CMYA5: variants seen among roughly 807,000 people sequenced by gnomAD.
CMYA5 encodes cardiomyopathy associated 5.
In CMYA5, 246 loss-of-function variants were observed where a neutral mutation model predicts 318.9. The ratio of observed to expected loss-of-function variants is 0.77; its 90% CI spans 0.70 to 0.86. The LOEUF is 0.86. CMYA5 is among the 40% of genes least tolerant of loss of function. CMYA5 has a pLI of 0.00. For synonymous variants in CMYA5, 1,641 were observed against 1,729.5 expected (o/e 0.95, Z 1.27); for missense variants, 4,589 against 4,678.2 (o/e 0.98, Z 0.56).
At chr5:79,798,291 C>T (rs756304400) in intron 12 of CMYA5, among the ~76,000 whole-genome samples, 2 of 152,136 alleles carry the variant, frequency 1.3e-5, no homozygotes, top group South Asian at 2.1e-4. Flanking sequence ...TAGGTCCAAA[C>T]TGCCCTGGTG....
intron 7 of CMYA5, 64 bp from the exon 8 acceptor site, chr5:79,761,747 C>A: frequency 1.3e-6 from 2 of 1,498,986 alleles, no homozygotes; most frequent in East Asian, 2.3e-5. Flanking sequence ...TGACTTTCTC[C>A]AGTAACTATA....
At chr5:79,758,947 A>C in intron 7 of CMYA5, 45 bp downstream of exon 7, 1 of 1,452,726 alleles carries the variant, frequency 6.9e-7, no homozygotes, top group Non-Finnish European at 9.3e-7. Flanking sequence ...ATATTCATGC[A>C]TCTTCATGTG....
chr5:79,758,750 C>G lies in CMYA5; in HGVS notation c.11111-3C>G. 6.3e-7 allele frequency: 1 copy of G among 1,581,726 alleles called. No homozygotes were observed. On this transcript the variant is annotated splice_polypyrimidine_tract_variant and splice_region_variant and intron_variant, in intron 6 of 12. Transcript: ENST00000446378. The stretch of plus-strand genomic sequence containing the variant: ...GTTACAATAAAACTTGTTTATATTC[C>G]AGTTCCACAGCCTCCTAGATTAGAA...
intron 1 of CMYA5, among the ~76,000 whole-genome samples, chr5:79,692,358 C>T (rs551319837): frequency 3.3e-5 from 5 of 152,274 alleles, no homozygotes; most frequent in Middle Eastern, 3.4e-3. Context: ...AATCTGTAAA[C>T]GTTCCTTTAC....
At chr5:79,692,669 A>G (rs1305178529) in intron 1 of CMYA5, among the ~76,000 whole-genome samples, 1 of 152,210 alleles carries the variant, frequency 6.6e-6, no homozygotes, top group African/African-American at 2.4e-5. Flanking sequence ...GGTTGTCATA[A>G]GGATTGCATA....
intron 1 of CMYA5, among the ~76,000 whole-genome samples, chr5:79,703,010 G>A (rs767579906): frequency 6.6e-6 from 1 of 152,198 alleles, no homozygotes; most frequent in Non-Finnish European, 1.5e-5. Context: ...ATCTGGTGCT[G>A]TCAGCTCTGT....
Position 79,737,828 on chromosome 5 carries a change from A to C in CMYA5, c.9063A>C (p.Gln3021His), listed in dbSNP as rs767189444. 1 of 1,605,184 alleles carries C rather than the reference A, an allele frequency of 6.2e-7. No homozygotes were observed. ...TTACCCCATTGAAAGAAAATAAACA[A>C]AAGGAAACTCATAAGACAAAAGAAG... ...EKVTPLKENK[Q>H]KETHKTKEEI... The change falls in exon 2 of 13, where the codon CAA becomes CAC. Residue 3021 changes from glutamine (Q) to histidine (H), a missense_variant. Coordinates refer to ENST00000446378, the MANE Select transcript of CMYA5 (RefSeq NM_153610.5).
At chr5:79,786,100 G>C (rs2151099538) in intron 9 of CMYA5, among the ~76,000 whole-genome samples, 1 of 152,314 alleles carries the variant, frequency 6.6e-6, no homozygotes, top group Non-Finnish European at 1.5e-5. Flanking sequence ...CTGCTTTGTA[G>C]CAGTGGAGCT....
At chr5:79,744,979 T>C (rs1296234217) in intron 3 of CMYA5, among the ~76,000 whole-genome samples, 1 of 152,190 alleles carries the variant, frequency 6.6e-6, no homozygotes, top group African/African-American at 2.4e-5. Flanking sequence ...TATATATATT[T>C]TGTATTATGG....
chr5:79,693,283 G>A (rs1340444568), intron 1 of CMYA5, among the ~76,000 whole-genome samples: 1 of 151,902 alleles, frequency 6.6e-6, no homozygotes, highest in Non-Finnish European at 1.5e-5. Flanking sequence ...GTTCTCAACC[G>A]ATCTGATTTT....
At chr5:79,702,381 G>A (rs1827190108) in intron 1 of CMYA5, among the ~76,000 whole-genome samples, 1 of 151,780 alleles carries the variant, frequency 6.6e-6, no homozygotes, top group Non-Finnish European at 1.5e-5. Flanking sequence ...GCAAGACCCT[G>A]TCTCAAAAAA....
intron 9 of CMYA5, among the ~76,000 whole-genome samples, chr5:79,771,593 A>G (rs549052417): frequency 6.6e-6 from 1 of 152,232 alleles, no homozygotes; most frequent in Admixed American, 6.5e-5. Flanking sequence ...CAGTGATGTC[A>G]TCTCATAAAT....
chr5:79,792,255 T>C (rs1829193729), intron 11 of CMYA5, among the ~76,000 whole-genome samples: 1 of 152,226 alleles, frequency 6.6e-6, no homozygotes, highest in South Asian at 2.1e-4. Flanking sequence ...TGTGTATCTT[T>C]GAATCCCTCA....
At chr5:79,756,361 C>T (rs1225740739) in intron 6 of CMYA5, among the ~76,000 whole-genome samples, 2 of 151,058 alleles carry the variant, frequency 1.3e-5, no homozygotes, top group Admixed American at 1.3e-4. Flanking sequence ...AGCTTCCTGC[C>T]TTGCCCCTCT....
rs757512490 is a variant in CMYA5, at chr5:79,739,178, A to G, written c.10413A>G (p.Glu3471=). Residue 3471 remains glutamate (E), a synonymous_variant, in exon 2 of 13, where the codon GAA becomes GAG. Transcript: ENST00000446378. The part of the protein sequence containing the change: ...ISENEFASEA[E]QSTPAEQKEL... Reference sequence around the variant, plus strand: ...AAAATGAATTTGCGAGTGAGGCAGAACAAAGTACACCTGCTGAACAAAAAG... The same window carrying G: ...AAAATGAATTTGCGAGTGAGGCAGAGCAAAGTACACCTGCTGAACAAAAAG... The G allele has an allele frequency of 8.7e-6, 14 of 1,613,496 alleles. No homozygotes were observed. In the African/African-American group the frequency reaches 1.6e-4, roughly 18 times the overall value.
chr5:79,731,498 G>T lies in CMYA5; in HGVS notation c.2733G>T (p.Pro911=). 6.2e-7 allele frequency: 1 copy of T among 1,603,774 alleles called. No individual in the cohort carries two copies. The highest frequency in any genetic ancestry group is 8.5e-7 in the Non-Finnish European group (1 of 1,175,000). The change falls in exon 2 of 13, where the codon CCG becomes CCT. Residue 911 remains proline (P), a synonymous_variant. Transcript: ENST00000446378. Reference sequence around the variant, plus strand: ...TTTCAGTACCACCATATGCAACACCGGAGGCACAGGAGGAAGAAATTGTCC... The same window carrying T: ...TTTCAGTACCACCATATGCAACACCTGAGGCACAGGAGGAAGAAATTGTCC... ...SEFSVPPYAT[P]EAQEEEIVHR...
intron 1 of CMYA5, among the ~76,000 whole-genome samples, chr5:79,701,624 A>C (rs1228017936): frequency 6.6e-6 from 1 of 152,210 alleles, no homozygotes; most frequent in African/African-American, 2.4e-5. Context: ...TAGGAATGTA[A>C]AATTGTACAA....
chr5:79,795,289 T>C (rs1460723299), intron 12 of CMYA5, among the ~76,000 whole-genome samples: 2 of 152,194 alleles, frequency 1.3e-5, no homozygotes, highest in Admixed American at 6.5e-5. Flanking sequence ...CCTCTGGGAC[T>C]CTGAGAACGC....
Position 79,725,395 on chromosome 5 carries a change from T to C in CMYA5, c.150-3520T>C, listed in dbSNP as rs1827724244. Reference sequence around the variant, plus strand: ...ACTAAATATCACATGTTCTCACTTATAAGTGGGAGCTAAATTTTGGGTACA... The same window carrying C: ...ACTAAATATCACATGTTCTCACTTACAAGTGGGAGCTAAATTTTGGGTACA... On this transcript the variant is annotated intron_variant, in intron 1 of 12. Transcript: ENST00000446378. 3.9e-5 allele frequency among the ~76,000 whole-genome samples: 6 copies of C among 152,286 alleles called. No homozygotes were observed. In the South Asian group the frequency reaches 1.2e-3, roughly 32 times the overall value.
Sources: allele counts gnomAD v4.1 joint callset (sites outside exome capture counted in the v4.1 genomes callset), GRCh38; gene constraint gnomAD v4.1.1; transcripts MANE v1.5; gene names NCBI Gene and HGNC (gene_info 2026-07-23, HGNC 2026-07-21).